SLC44A2: variants seen among roughly 807,000 people sequenced by gnomAD.
SLC44A2 encodes solute carrier family 44 member 2 (CTL2 blood group).
A neutral mutation model predicts 90.8 loss-of-function variants in SLC44A2; 57 were observed. The ratio of observed to expected loss-of-function variants is 0.63; its 90% CI spans 0.51 to 0.78. SLC44A2 has a LOEUF of 0.78. Among genes scored for constraint, SLC44A2 ranks in the 30% least tolerant of loss-of-function variants. SLC44A2 has a pLI of 0.00. For missense variants in SLC44A2, 794 were observed against 919.7 expected (o/e 0.86, Z 1.77); for synonymous variants, 355 against 360.7 (o/e 0.98, Z 0.18).
At chr19:10,612,138 C>T (rs1486792199) in intron 1 of SLC44A2, among the ~76,000 whole-genome samples, 2 of 151,920 alleles carry the variant, frequency 1.3e-5, no homozygotes, top group Admixed American at 6.6e-5. Context: ...GATGCCAGGG[C>T]GGAAGGATCA....
intron 21 of SLC44A2, chr19:10,642,843 C>G: frequency 6.6e-7 from 1 of 1,519,430 alleles, no homozygotes; most frequent in African/African-American, 1.4e-5. Context: ...TCCCTCTTTC[C>G]CTCCCTTCCC....
chr19:10,608,662 T>C (rs945839642), intron 1 of SLC44A2, among the ~76,000 whole-genome samples: 2 of 151,188 alleles, frequency 1.3e-5, no homozygotes, highest in Non-Finnish European at 2.9e-5. Context: ...TTTATTTTTT[T>C]AATTTGAGAC....
In SLC44A2 at chr19:10,636,460, C is replaced by T. The variant is rs2067055662; in HGVS notation, c.1371C>T (p.Ala457=). 1.2e-6 allele frequency: 2 copies of T among 1,613,764 alleles called. No homozygotes were observed. The highest frequency in any genetic ancestry group is 1.3e-5 in the African/African-American group (1 of 74,926). Residue 457 remains alanine (A), a synonymous_variant, in exon 15 of 22, where the codon GCC becomes GCT. Coordinates refer to ENST00000335757, the MANE Select transcript of SLC44A2 (RefSeq NM_020428.4). ...IFNAFMFFWL[A]NFVLALGQVT... ...ATGCCTTCATGTTCTTCTGGTTGGCCAACTTCGTGCTGGCGCTGGGCCAGG... is the reference window on the plus strand; with the variant it reads ...ATGCCTTCATGTTCTTCTGGTTGGCTAACTTCGTGCTGGCGCTGGGCCAGG...
intron 2 of SLC44A2, 70 bp downstream of exon 2, chr19:10,626,371 T>C: frequency 8.8e-7 from 1 of 1,134,696 alleles, no homozygotes. Context: ...TCACACCCCC[T>C]CCCATCTGTT....
chr19:10,625,402 C>T, upstream of SLC44A2: 1 of 1,138,968 alleles, frequency 8.8e-7, no homozygotes, highest in Non-Finnish European at 1.1e-6. Context: ...CTAAATGCGG[C>T]CGGCCGGTGA....
intron 16 of SLC44A2, 26 bp downstream of exon 16, chr19:10,636,782 A>C (rs1205817588): frequency 6.2e-7 from 1 of 1,605,712 alleles, no homozygotes; most frequent in Admixed American, 1.7e-5. Flanking sequence ...GGTTCGCATT[A>C]GCTCCTGTTG....
At chr19:10,605,107 G>A (rs1012130507) in intron 1 of SLC44A2, among the ~76,000 whole-genome samples, 3 of 152,168 alleles carry the variant, frequency 2.0e-5, no homozygotes, top group African/African-American at 7.2e-5. Flanking sequence ...CTCTTGCCAG[G>A]TATTGTGGCT....
Position 10,632,068 on chromosome 19 carries a change from G to A in SLC44A2, c.735G>A (p.Met245Ile), listed in dbSNP as rs199914042. Residue 245 changes from methionine (M) to isoleucine (I), a missense_variant, in exon 10 of 22, where the codon ATG (methionine) becomes ATA (isoleucine). This residue lies in a region of SLC44A2 where 738 missense variants were observed against 841.1 expected (regional missense o/e 0.88). Transcript: ENST00000335757. ...GAGGCCTGGTCATTGCCATGGCGATGAGCCTCCTGTTCATCATCCTGCTTC... is the reference window on the plus strand; with the variant it reads ...GAGGCCTGGTCATTGCCATGGCGATAAGCCTCCTGTTCATCATCCTGCTTC... ...IIIGLVIAMA[M>I]SLLFIILLRF... 2.1e-5 allele frequency: 34 copies of A among 1,614,002 alleles called. No individual in the cohort carries two copies. The South Asian group carries it at 3.2e-4, about 15-fold the overall frequency.
chr19:10,620,930 T>C (rs2066890845), upstream of SLC44A2, among the ~76,000 whole-genome samples: 2 of 152,020 alleles, frequency 1.3e-5, no homozygotes, highest in Admixed American at 1.3e-4. Flanking sequence ...TCACAGCTAC[T>C]TGGGAGGCTG....
Position 10,635,065 on chromosome 19 carries a change from A to C in SLC44A2, c.1047A>C (p.Glu349Asp). 6.2e-7 allele frequency: 1 copy of C among 1,614,144 alleles called. No individual in the cohort carries two copies. The highest frequency in any genetic ancestry group is 8.5e-7 in the Non-Finnish European group (1 of 1,180,026). ...TCATCGCGATTGCACTCATCAAAGA[A>C]GCCAGCAGGTGGGGGGCCAGGGTGC... ...RILIAIALIKEASRAVGYVMC... is the reference protein window; with the variant it reads ...RILIAIALIKDASRAVGYVMC... The change falls in exon 12 of 22, where the codon GAA becomes GAC. Residue 349 changes from glutamate (E) to aspartate (D), a missense_variant. Coordinates refer to ENST00000335757, the MANE Select transcript of SLC44A2 (RefSeq NM_020428.4).
chr19:10,604,871 CA>C lies in SLC44A2; in HGVS notation c.31+2311del, dbSNP rs1304052472. On this transcript the variant is annotated intron_variant, in intron 1 of 21. Coordinates refer to the SLC44A2 transcript ENST00000407327. Reference sequence around the variant, plus strand: ...CAGGTTGGGCAGGAAGTGCATTCCTCAGCAGAGATCATATCTAAAGGAAGGC... The same window carrying C: ...CAGGTTGGGCAGGAAGTGCATTCCTCGCAGAGATCATATCTAAAGGAAGGC... Among the ~76,000 whole-genome samples, 10 of 152,064 alleles carry C rather than the reference CA, an allele frequency of 6.6e-5. No individual in the cohort carries two copies. In the East Asian group the frequency reaches 1.7e-3, roughly 26 times the overall value.
intron 1 of SLC44A2, among the ~76,000 whole-genome samples, chr19:10,619,197 A>T (rs1025121583): frequency 2.6e-5 from 4 of 151,654 alleles, no homozygotes; most frequent in Non-Finnish European, 5.9e-5. Context: ...TGAGAAGCCG[A>T]GGCAGGTGCG....
At chr19:10,617,731 T>C (rs1222894635) in intron 1 of SLC44A2, among the ~76,000 whole-genome samples, 1 of 152,164 alleles carries the variant, frequency 6.6e-6, no homozygotes, top group Non-Finnish European at 1.5e-5. Flanking sequence ...GCCTCGGTTC[T>C]CTCTCCTATA....
At position 10,627,749 on chromosome 19, in the gene SLC44A2, G is replaced by A; in HGVS notation, c.114G>A (p.Val38=). ...NRGCTDIICC[V]FLLLAIVGYV... ...GCTGCACGGATATCATATGCTGTGT[G>A]TTCCTGCTCCTGGCCATTGTGGGCT... The change falls in exon 3 of 22, where the codon GTG becomes GTA. Residue 38 remains valine (V), a synonymous_variant. Coordinates refer to ENST00000335757, the MANE Select transcript of SLC44A2 (RefSeq NM_020428.4). 1 of 1,613,792 alleles carries A rather than the reference G, an allele frequency of 6.2e-7. No homozygotes were observed. The highest frequency in any genetic ancestry group is 8.5e-7 in the Non-Finnish European group (1 of 1,180,000).
chr19:10,628,110 C>A, intron 4 of SLC44A2, 106 bp downstream of exon 4: 1 of 1,044,282 alleles, frequency 9.6e-7, no homozygotes, highest in Non-Finnish European at 1.4e-6. Context: ...ATAGGCTGGG[C>A]GCGGTGACTC....
intron 20 of SLC44A2, chr19:10,641,067 A>G (rs778482954): frequency 4.7e-6 from 2 of 425,754 alleles, no homozygotes; most frequent in Non-Finnish European, 9.1e-6. Context: ...AGCCTGGGTG[A>G]CAGAGCAAGA....
At chr19:10,643,227 C>T (rs893806676) in intron 21 of SLC44A2, 52 bp from the exon 22 acceptor site, 12 of 1,567,654 alleles carry the variant, frequency 7.7e-6, no homozygotes, top group Admixed American at 1.8e-5. Context: ...TCCTTGAGGC[C>T]CCTGCCCGTG....
At position 10,610,886 on chromosome 19, in the gene SLC44A2, C is replaced by T. The variant is rs187107903; in HGVS notation, c.31+8325C>T. Among the ~76,000 whole-genome samples the T allele has an allele frequency of 1.1e-3, 170 of 151,434 alleles. 2 individuals carry two copies. The highest frequency in any genetic ancestry group is 4.0e-3 in the African/African-American group (166 of 41,298). On this transcript the variant is annotated intron_variant, in intron 1 of 21. Transcript: ENST00000407327. Reference sequence around the variant, plus strand: ...AACTCCTGACCTCAAGTGATCCGCTCGCCTCGGCCTCCCAAAGTGCTGGGA... The same window carrying T: ...AACTCCTGACCTCAAGTGATCCGCTTGCCTCGGCCTCCCAAAGTGCTGGGA...
chr19:10,642,920 G>A, intron 21 of SLC44A2: 22 of 1,594,170 alleles, frequency 1.4e-5, no homozygotes, highest in Non-Finnish European at 1.8e-5. Flanking sequence ...AAGGAATGAC[G>A]GCTCTCAGGA....
Sources: gnomAD v4.1 joint callset for allele counts (sites outside exome capture counted in the v4.1 genomes callset) on GRCh38, gnomAD v4.1.1 for gene constraint, gnomAD v4.1.1 regional missense constraint, MANE v1.5 for transcripts, NCBI Gene and HGNC (gene_info 2026-07-23, HGNC 2026-07-21) for gene names.